Variants in INO80 observed in about 807,000 individuals in gnomAD.
INO80 encodes the protein INO80 complex ATPase subunit, also known as chromatin-remodeling ATPase INO80.
In INO80, 20 loss-of-function variants were observed where a neutral mutation model predicts 203.4. The ratio of observed to expected loss-of-function variants is 0.10; its 90% CI spans 0.07 to 0.14. The LOEUF (loss-of-function observed/expected upper bound fraction) is 0.14. Ranked by LOEUF, INO80 falls within the 10% of genes least tolerant of loss-of-function variation. INO80 has a pLI of 1.00. For synonymous variants in INO80, 726 were observed against 685.2 expected (o/e 1.06, Z -0.93); for missense variants, 1,419 against 1,914.4 (o/e 0.74, Z 4.83).
intron 13 of INO80, 103 bp downstream of exon 13, chr15:41,070,364 G>T: frequency 2.0e-6 from 2 of 1,003,414 alleles, no homozygotes; most frequent in Non-Finnish European, 3.0e-6. Flanking sequence ...CCACTATCTT[G>T]GAATGCTACA....
chr15:41,085,746 G>C (rs766301591), intron 6 of INO80, among the ~76,000 whole-genome samples, 163 bp from the exon 7 acceptor site: 6 of 152,254 alleles, frequency 3.9e-5, no homozygotes, highest in Admixed American at 6.5e-5. Context: ...AGGAAGAAAA[G>C]TAACAGAGAA....
chr15:41,036,809 C>T (rs900093917), intron 24 of INO80, among the ~76,000 whole-genome samples: 7 of 152,258 alleles, frequency 4.6e-5, no homozygotes, highest in Admixed American at 3.3e-4. Context: ...TAGCCAGGCA[C>T]GGTGGCTCAC....
At chr15:41,014,213 C>CT (rs915057710) in intron 27 of INO80, among the ~76,000 whole-genome samples, 9 of 152,196 alleles carry the variant, frequency 5.9e-5, no homozygotes, top group African/African-American at 2.2e-4. Context: ...TCCCTTGGAA[C>CT]TTTCCTTTCA....
chr15:41,020,986 T>C lies in INO80; in HGVS notation c.3188A>G (p.Asn1063Ser). 4 of 1,614,138 alleles carry C rather than the reference T, an allele frequency of 2.5e-6. No homozygotes were observed. Among genetic ancestry groups the C allele is most frequent in the Non-Finnish European group, 3.4e-6 (4 of 1,179,982 alleles). ...CTCTGGGAAGAACTGTGATCGTCTA[T>C]TTAGCCAGTCTGCAGCCAGTTCAGG... ...GAPELAADWL[N>S]RRSQFFPEPA... The change falls in exon 26 of 36, where the codon AAT becomes AGT. Residue 1063 changes from asparagine (N) to serine (S), a missense_variant. Coordinates refer to ENST00000648947, the MANE Select transcript of INO80 (RefSeq NM_017553.3).
chr15:41,094,531 G>A (rs1199962529), intron 4 of INO80, among the ~76,000 whole-genome samples: 1 of 152,162 alleles, frequency 6.6e-6, no homozygotes, highest in Non-Finnish European at 1.5e-5. Flanking sequence ...GCACCACTGG[G>A]CAGGAAACTT....
At chr15:41,081,893 ACT>A (rs2045490126) in intron 7 of INO80, among the ~76,000 whole-genome samples, 1 of 152,026 alleles carries the variant, frequency 6.6e-6, no homozygotes, top group Non-Finnish European at 1.5e-5. Context: ...TAAAAAAAAA[ACT>A]CTTACTAATT....
At chr15:41,066,863 A>C (rs573462109) in intron 14 of INO80, among the ~76,000 whole-genome samples, 245 of 145,328 alleles carry the variant, frequency 1.7e-3, no homozygotes, top group African/African-American at 6.1e-3. Context: ...AAAAAAAAAA[A>C]TCAAAAGAGG....
chr15:40,997,134 G>A (rs563863890), intron 29 of INO80, among the ~76,000 whole-genome samples: 38 of 152,152 alleles, frequency 2.5e-4, no homozygotes, highest in African/African-American at 7.9e-4. Context: ...AAAATTAGCT[G>A]GGCATGGTGG....
chr15:40,982,793 CCTGA>C, intron 35 of INO80, 65 bp downstream of exon 35: 1 of 1,311,300 alleles, frequency 7.6e-7, no homozygotes, highest in Non-Finnish European at 1.1e-6. Context: ...ACATGTTCTA[CCTGA>C]CTGACAGAAT....
In INO80 at chr15:41,103,492, C is replaced by A. The variant is rs184756824; in HGVS notation, c.-43-7139G>T. Reference sequence around the variant, plus strand: ...GCAACCTCCGCCTCCCTGGCTCAAGCAATTTTCCTGCCTCAGCCTCCCAGG... The same window carrying A: ...GCAACCTCCGCCTCCCTGGCTCAAGAAATTTTCCTGCCTCAGCCTCCCAGG... On this transcript the variant is annotated intron_variant, in intron 1 of 35. Transcript: ENST00000648947. Among the ~76,000 whole-genome samples the A allele has an allele frequency of 1.1e-4, 16 of 152,310 alleles. No homozygotes were observed. In the East Asian group the frequency reaches 3.1e-3, roughly 29 times the overall value.
rs528159442 is a variant in INO80 at position 41,072,531 on chromosome 15, C to T, written c.1396-473G>A. Among the ~76,000 whole-genome samples the T allele has an allele frequency of 1.4e-3, 204 of 149,176 alleles. 1 individual carries two copies. The highest frequency in any genetic ancestry group is 4.5e-3 in the African/African-American group (184 of 40,632). On this transcript the variant is annotated intron_variant, in intron 11 of 35. Transcript: ENST00000648947. ...GTCAGGAGATCGAGACCATCCTGGC[C>T]AACATGGTGAAACCCCGTCTCTACT...
intron 7 of INO80, among the ~76,000 whole-genome samples, chr15:41,082,887 A>C (rs2045505563): frequency 6.6e-6 from 1 of 151,690 alleles, no homozygotes; most frequent in African/African-American, 2.4e-5. Flanking sequence ...CTATCTCAAA[A>C]AGAAATGAAA....
intron 29 of INO80, among the ~76,000 whole-genome samples, chr15:40,993,549 G>T (rs2043842397): frequency 6.6e-6 from 1 of 152,016 alleles, no homozygotes; most frequent in Non-Finnish European, 1.5e-5. Context: ...CCTGAGGTCA[G>T]GAGTTTTGAG....
In INO80 at chr15:40,993,783, G is replaced by GAAA. The variant is rs369156256; in HGVS notation, c.3570+3743_3570+3745dup. On this transcript the variant is annotated intron_variant, in intron 29 of 35. Transcript: ENST00000648947. The stretch of plus-strand genomic sequence containing the variant: ...CAAAAAATAAATAAATAAATAAAAA[G>GAAA]AAAAAGAAAATACAGCTTTAACCCC... Among the ~76,000 whole-genome samples the GAAA allele has an allele frequency of 5.0e-3, 750 of 151,368 alleles. 10 individuals are homozygous for GAAA. Among genetic ancestry groups the GAAA allele is most frequent in the African/African-American group, 0.017 (721 of 41,276 alleles).
chr15:41,083,523 T>G (rs1016777277), intron 7 of INO80, among the ~76,000 whole-genome samples: 2 of 151,692 alleles, frequency 1.3e-5, no homozygotes, highest in African/African-American at 4.8e-5. Flanking sequence ...CTGACCAACA[T>G]GGCGAAACCT....
chr15:41,096,664 A>C (rs1395242710), intron 1 of INO80, among the ~76,000 whole-genome samples: 1 of 152,214 alleles, frequency 6.6e-6, no homozygotes, highest in Non-Finnish European at 1.5e-5. Flanking sequence ...CCTTTCAATA[A>C]AAAATTACCC....
intron 33 of INO80, 116 bp from the exon 34 acceptor site, chr15:40,984,037 C>T: frequency 7.3e-7 from 1 of 1,376,784 alleles, no homozygotes; most frequent in South Asian, 1.3e-5. Context: ...AGAAACCAAC[C>T]TGTCCTCATT....
At chr15:41,044,516 T>C (rs866052479) in intron 24 of INO80, among the ~76,000 whole-genome samples, 3 of 152,160 alleles carry the variant, frequency 2.0e-5, no homozygotes, top group Admixed American at 6.5e-5. Context: ...AGAAGTAGAA[T>C]ATGGCAATTA....
At chr15:41,095,055 G>C (rs951541376) in intron 4 of INO80, among the ~76,000 whole-genome samples, 3 of 149,686 alleles carry the variant, frequency 2.0e-5, no homozygotes, top group Non-Finnish European at 4.4e-5. Flanking sequence ...AAAAAAATCT[G>C]AGGCTGGGTG....
Sources: gnomAD v4.1 joint callset for allele counts (sites outside exome capture counted in the v4.1 genomes callset) on GRCh38, gnomAD v4.1.1 for gene constraint, MANE v1.5 for transcripts, NCBI Gene and HGNC (gene_info 2026-07-23, HGNC 2026-07-21) for gene names.